Variants in SLIT3 observed in about 807,000 individuals in gnomAD.
The protein encoded by SLIT3 is slit guidance ligand 3, also known as slit homolog 3 protein.
In SLIT3, 68 loss-of-function variants were observed where a neutral mutation model predicts 184.0. The ratio of observed to expected loss-of-function variants is 0.37; its 90% CI spans 0.30 to 0.45. The LOEUF (loss-of-function observed/expected upper bound fraction) is 0.45. Ranked by LOEUF, SLIT3 falls within the 20% of genes least tolerant of loss-of-function variation. The probability of loss-of-function intolerance (pLI) is 1.00; values close to 1 mark genes in which losing one functional copy is unlikely to be tolerated. For synonymous variants in SLIT3, 831 were observed against 828.6 expected, an observed-to-expected ratio of 1.00 and a Z score of -0.05; for missense variants, 1,707 against 2,026.0, an observed-to-expected ratio of 0.84 and a Z score of 3.02.
intron 4 of SLIT3, among the ~76,000 whole-genome samples, chr5:168,886,409 C>T (rs1310034971): frequency 6.6e-6 from 1 of 152,060 alleles, no homozygotes; most frequent in African/African-American, 2.4e-5. Context: ...TACGTGGTGC[C>T]AGAGCATGGA....
chr5:169,273,279 G>A (rs1205678407), intron 1 of SLIT3, among the ~76,000 whole-genome samples: 1 of 152,198 alleles, frequency 6.6e-6, no homozygotes. Context: ...AGTACCTCTG[G>A]CTTTGCCAAG....
intron 4 of SLIT3, among the ~76,000 whole-genome samples, chr5:168,908,003 G>GAGAGAT (rs1761134516): frequency 7.0e-6 from 1 of 142,514 alleles, no homozygotes; most frequent in Non-Finnish European, 1.5e-5. Flanking sequence ...GAGAGAGAGA[G>GAGAGAT]AGAGGTGGGG....
chr5:169,182,607 G>A (rs1222186856), intron 4 of SLIT3, among the ~76,000 whole-genome samples: 1 of 152,152 alleles, frequency 6.6e-6, no homozygotes, highest in Non-Finnish European at 1.5e-5. Flanking sequence ...AGATAATTAG[G>A]CTCTTTAGAA....
In SLIT3 at chr5:168,722,310, C is replaced by T. The variant is rs36052924; in HGVS notation, c.2429G>A (p.Arg810Gln). The change falls in exon 23 of 36, where the codon CGG becomes CAG. Residue 810 changes from arginine to glutamine, a missense_variant. By Grantham distance (43) the Arg-to-Gln change is conservative. Around this residue, in one of 3 missense-constraint regions of SLIT3, gnomAD observed 1,307 missense variants for 1,511.6 expected, o/e 0.86. Coordinates refer to ENST00000519560, the MANE Select transcript of SLIT3 (RefSeq NM_003062.4). ...HLSTLILSYNRLRCIPVHAFN... is the reference protein window; with the variant it reads ...HLSTLILSYNQLRCIPVHAFN... ...GGCGTGGACGGGGATGCACCTCAGC[C>T]GGTTGTAGCTCAGGATCCTGTGGAA... The T allele has an allele frequency of 2.4e-3, 3,871 of 1,614,086 alleles. 92 individuals are homozygous for T. The African/African-American group carries it at 0.046, about 19-fold the overall frequency.
chr5:169,239,218 T>A (rs992435548), intron 3 of SLIT3, among the ~76,000 whole-genome samples: 9 of 152,168 alleles, frequency 5.9e-5, no homozygotes, highest in Non-Finnish European at 1.2e-4. Flanking sequence ...ATTATCCTTT[T>A]CACCTATAAC....
At chr5:169,290,588 T>A (rs566218906) in intron 1 of SLIT3, among the ~76,000 whole-genome samples, 3 of 142,202 alleles carry the variant, frequency 2.1e-5, no homozygotes, top group Non-Finnish European at 4.6e-5. Flanking sequence ...CTAGGGCACA[T>A]GCTAGGACAT....
intron 4 of SLIT3, among the ~76,000 whole-genome samples, chr5:169,076,105 G>A (rs1444570377): frequency 1.3e-5 from 2 of 152,212 alleles, no homozygotes; most frequent in African/African-American, 4.8e-5. Context: ...ACCCTCAGGG[G>A]GGTTTCATTC....
intron 8 of SLIT3, among the ~76,000 whole-genome samples, chr5:168,807,779 A>C (rs1164902611): frequency 6.6e-6 from 1 of 152,140 alleles, no homozygotes; most frequent in Non-Finnish European, 1.5e-5. Flanking sequence ...TGTTCACTGG[A>C]GAAACTGAGT....
chr5:168,783,552 G>A (rs765883395), intron 12 of SLIT3, among the ~76,000 whole-genome samples: 4 of 152,200 alleles, frequency 2.6e-5, no homozygotes, highest in Non-Finnish European at 5.9e-5. Flanking sequence ...TCAGCTTTGC[G>A]AGTACCCATA....
At chr5:169,152,379 GGT>G (rs1454055982) in intron 4 of SLIT3, among the ~76,000 whole-genome samples, 1 of 152,224 alleles carries the variant, frequency 6.6e-6, no homozygotes, top group Admixed American at 6.5e-5. Flanking sequence ...AGCTTCTGCA[GGT>G]GTCCCGCGTG....
At chr5:168,988,529 T>C (rs891786299) in intron 4 of SLIT3, among the ~76,000 whole-genome samples, 2 of 152,064 alleles carry the variant, frequency 1.3e-5, no homozygotes, top group Non-Finnish European at 2.9e-5. Context: ...CTGCAGGGTA[T>C]AGAAGGAGGG....
intron 19 of SLIT3, among the ~76,000 whole-genome samples, chr5:168,748,833 A>T (rs1014304025): frequency 6.6e-6 from 1 of 152,172 alleles, no homozygotes; most frequent in South Asian, 2.1e-4. Flanking sequence ...CCAAGCCTCC[A>T]TTGTGCCTTA....
intron 28 of SLIT3, among the ~76,000 whole-genome samples, chr5:168,693,111 G>A (rs1346675283): frequency 1.3e-5 from 2 of 152,180 alleles, no homozygotes; most frequent in East Asian, 1.9e-4. Context: ...CAGGCACTGG[G>A]GACACAACAG....
At chr5:168,765,260 T>A (rs1323554260) in intron 14 of SLIT3, among the ~76,000 whole-genome samples, 4 of 152,198 alleles carry the variant, frequency 2.6e-5, no homozygotes, top group African/African-American at 9.6e-5. Flanking sequence ...TCGCTCTCAG[T>A]AGTATAGTTA....
At chr5:169,279,256 G>C (rs1034059566) in intron 1 of SLIT3, among the ~76,000 whole-genome samples, 3 of 152,210 alleles carry the variant, frequency 2.0e-5, no homozygotes, top group Non-Finnish European at 4.4e-5. Flanking sequence ...GTGAAGGGTG[G>C]TGAAGGAAGG....
intron 12 of SLIT3, among the ~76,000 whole-genome samples, chr5:168,779,908 C>A (rs1755905897): frequency 6.6e-6 from 1 of 152,222 alleles, no homozygotes; most frequent in Non-Finnish European, 1.5e-5. Context: ...ACCCACTACA[C>A]CCAGGCTTTT....
Position 168,864,895 on chromosome 5 carries a change from C to T in SLIT3, c.485+18370G>A, listed in dbSNP as rs115437783. Among the ~76,000 whole-genome samples, 1,208 of 152,142 alleles carry T rather than the reference C, an allele frequency of 7.9e-3. 17 individuals are homozygous for T. The highest frequency in any genetic ancestry group is 0.027 in the African/African-American group (1,129 of 41,516). On this transcript the variant is annotated intron_variant, in intron 5 of 35. Transcript: ENST00000519560. ...AGCAATATTAGAAAATGGATAAGGA[C>T]GGTGGCTCACGCCTCTAATCCCAGC...
At chr5:169,178,508 G>A (rs181422323) in intron 4 of SLIT3, among the ~76,000 whole-genome samples, 3 of 152,176 alleles carry the variant, frequency 2.0e-5, no homozygotes, top group South Asian at 4.1e-4. Flanking sequence ...TCACACGTGC[G>A]ATCAGAGATT....
chr5:168,735,690 A>G (rs975099722), intron 20 of SLIT3, among the ~76,000 whole-genome samples: 9 of 151,198 alleles, frequency 6.0e-5, no homozygotes, highest in African/African-American at 2.2e-4. Context: ...ACACACACAC[A>G]CACACACACA....
Sources: gnomAD v4.1 joint callset for allele counts (sites outside exome capture counted in the v4.1 genomes callset) on GRCh38, gnomAD v4.1.1 for gene constraint, gnomAD v4.1.1 regional missense constraint, MANE v1.5 for transcripts, NCBI Gene and HGNC (gene_info 2026-07-23, HGNC 2026-07-21) for gene names.